Variants in RNF14 observed in about 807,000 individuals in gnomAD.
RNF14 encodes the protein ring finger protein 14.
RNF14 carries 26 observed loss-of-function variants against 52.6 expected under a neutral mutation model. That is an observed-to-expected ratio of 0.49 (90% CI 0.36 to 0.69). RNF14 has a LOEUF of 0.69. RNF14 is among the 30% of genes least tolerant of loss of function. The pLI is 0.00. For synonymous variants in RNF14, 194 were observed against 202.0 expected (o/e 0.96, Z 0.34); for missense variants, 404 against 560.4 (o/e 0.72, Z 2.82).
chr5:141,954,866 G>A, upstream of RNF14: 29 of 1,404,242 alleles, frequency 2.1e-5, no homozygotes, highest in Non-Finnish European at 2.8e-5. Context: ...AGTGCCAGGT[G>A]AGCCTAAGGA....
chr5:141,978,593 G>T lies in RNF14; in HGVS notation c.597G>T (p.Gln199His), dbSNP rs761611519. 1.5e-5 allele frequency: 25 copies of T among 1,613,934 alleles called. No homozygotes were observed. The highest frequency in any genetic ancestry group is 2.0e-5 in the Non-Finnish European group (24 of 1,179,926). ...TGGAATCACTGTCAAATCTGATCCA[G>T]GAAATCTTGGACTTTGATCAAGCTC... ...QDVESLSNLIQEILDFDQAQQ... is the reference protein window; with the variant it reads ...QDVESLSNLIHEILDFDQAQQ... Residue 199 changes from glutamine (Q) to histidine (H), a missense_variant, in exon 5 of 9, where the codon CAG becomes CAT. Coordinates refer to ENST00000394520, the MANE Select transcript of RNF14 (RefSeq NM_004290.5).
chr5:141,980,483 T>A, intron 6 of RNF14, 132 bp downstream of exon 6: 1 of 721,564 alleles, frequency 1.4e-6, no homozygotes, highest in Non-Finnish European at 2.3e-6. Flanking sequence ...TGTCAGTGAC[T>A]ATCTCAGGCC....
chr5:141,984,934 G>A lies in RNF14; in HGVS notation c.1367+1G>A, dbSNP rs1409059607. On this transcript the variant is annotated splice_donor_variant, in intron 8 of 8. Coordinates refer to ENST00000394520, the MANE Select transcript of RNF14 (RefSeq NM_004290.5). LOFTEE classifies it high-confidence loss of function. ...ACCCTGGTTCACCATGTTTTAACCG[G>A]TATGTATACACAGAATTCCTCAGGC... 2.2e-5 allele frequency: 36 copies of A among 1,613,184 alleles called. No individual in the cohort carries two copies. The highest frequency in any genetic ancestry group is 3.0e-5 in the Non-Finnish European group (35 of 1,179,426).
chr5:141,987,250 C>T (rs1010098153), intron 8 of RNF14, among the ~76,000 whole-genome samples: 11 of 152,182 alleles, frequency 7.2e-5, no homozygotes, highest in African/African-American at 2.7e-4. Flanking sequence ...CAGGGTTTCT[C>T]TGGGGTTCCC....
upstream of RNF14, chr5:141,957,200 C>T (rs755982022): frequency 1.2e-6 from 2 of 1,614,072 alleles, no homozygotes; most frequent in Non-Finnish European, 1.7e-6. This position sits in a 1 kb window ranked among gnomAD's most constrained non-coding sequence, Gnocchi z 4.3. Flanking sequence ...TTCCCATTGT[C>T]ATAGGCAGTT....
intron 8 of RNF14, among the ~76,000 whole-genome samples, chr5:141,985,663 C>T (rs1755171170): frequency 6.6e-6 from 1 of 152,150 alleles, no homozygotes; most frequent in South Asian, 2.1e-4. Context: ...TCATGCCATT[C>T]TGCCTCAGCC....
upstream of RNF14, chr5:141,957,662 C>T (rs768943002): frequency 1.9e-6 from 3 of 1,613,934 alleles, no homozygotes; most frequent in Non-Finnish European, 2.5e-6. This position sits in a 1 kb window ranked among gnomAD's most constrained non-coding sequence, Gnocchi z 4.3. Flanking sequence ...TGGAAGGCAG[C>T]CCCAGCTTGC....
At chr5:141,951,630 G>A in the RNF14 span, 44 of 1,399,316 alleles carry the variant, frequency 3.1e-5, no homozygotes, top group South Asian at 1.3e-4. Flanking sequence ...ACACAATTCC[G>A]ACTCAGCACA....
upstream of RNF14, among the ~76,000 whole-genome samples, chr5:141,967,675 T>C (rs113421508): frequency 2.6e-5 from 4 of 152,204 alleles, no homozygotes; most frequent in South Asian, 2.1e-4. Flanking sequence ...CTCTGCAAGT[T>C]ACTCTTTTGG....
chr5:141,956,489 C>T (rs369744444), upstream of RNF14: 26 of 1,614,074 alleles, frequency 1.6e-5, no homozygotes, highest in Non-Finnish European at 2.1e-5. Flanking sequence ...GGTGCATTGT[C>T]GTTGATGTCA....
chr5:141,966,083 C>T (rs1041849270), upstream of RNF14, among the ~76,000 whole-genome samples: 1 of 151,902 alleles, frequency 6.6e-6, no homozygotes, highest in Non-Finnish European at 1.5e-5. Context: ...GAGTTCAAGA[C>T]CAGCCTGGGC....
At chr5:141,982,697 A>AGC (rs1354363960) in intron 6 of RNF14, 3 of 152,258 alleles carry the variant, frequency 2.0e-5, no homozygotes, top group African/African-American at 7.2e-5. Flanking sequence ...CCTGTAGCAA[A>AGC]GCATAGTACG....
At position 141,983,584 on chromosome 5, in the gene RNF14, C is replaced by T. The variant is rs371145348; in HGVS notation, c.1236+32C>T. The T allele has an allele frequency of 2.5e-6, 4 of 1,576,626 alleles. No homozygotes were observed. The South Asian group carries it at 4.6e-5, about 18-fold the overall frequency. Reference sequence around the variant, plus strand: ...GTTTTGGGACAGACTTGGAGGCCATCAGACTTGCAAGGATGTTATGATTAC... The same window carrying T: ...GTTTTGGGACAGACTTGGAGGCCATTAGACTTGCAAGGATGTTATGATTAC... On this transcript the variant is annotated intron_variant, in intron 7 of 8. Transcript: ENST00000394520.
In RNF14 at chr5:141,975,049, A is replaced by G. The variant is rs1046218710; in HGVS notation, c.306+94A>G. ...ATCTTAAAGATCTTGAATTCAGTGCATGAAAAACAAATGGCTTTGGTTTTG... is the reference window on the plus strand; with the variant it reads ...ATCTTAAAGATCTTGAATTCAGTGCGTGAAAAACAAATGGCTTTGGTTTTG... On this transcript the variant is annotated intron_variant, in intron 4 of 8. Transcript: ENST00000394520. 6.8e-6 allele frequency: 9 copies of G among 1,327,254 alleles called. No individual in the cohort carries two copies. In the African/African-American group the frequency reaches 1.3e-4, roughly 20 times the overall value. 82.2% of individuals were successfully genotyped at this position (1,327,254 alleles called of 1,614,324 possible).
At chr5:141,954,376 G>T (rs1242321476), upstream of RNF14, among the ~76,000 whole-genome samples, 2 of 152,216 alleles carry the variant, frequency 1.3e-5, no homozygotes, top group Non-Finnish European at 2.9e-5. Flanking sequence ...GGCAAATAGT[G>T]GAGATGGAGA....
At chr5:141,979,375 A>C (rs1015043583) in intron 5 of RNF14, among the ~76,000 whole-genome samples, 6 of 152,028 alleles carry the variant, frequency 3.9e-5, no homozygotes, top group Admixed American at 3.9e-4. Context: ...CAGCCTCCCA[A>C]GTAGCTGGGA....
At chr5:141,982,967 AT>A (rs1280985762) in intron 6 of RNF14, among the ~76,000 whole-genome samples, 1 of 152,246 alleles carries the variant, frequency 6.6e-6, no homozygotes, top group Non-Finnish European at 1.5e-5. Context: ...AAGGAAAAAA[AT>A]AGCCTATCTT....
At chr5:141,982,363 G>A (rs977013499) in intron 6 of RNF14, among the ~76,000 whole-genome samples, 8 of 152,100 alleles carry the variant, frequency 5.3e-5, no homozygotes, top group Non-Finnish European at 8.8e-5. Flanking sequence ...TGAAGCTGTG[G>A]GAATGTACTA....
chr5:141,970,216 A>G (rs1753622854), intron 1 of RNF14, among the ~76,000 whole-genome samples: 1 of 152,228 alleles, frequency 6.6e-6, no homozygotes, highest in African/African-American at 2.4e-5. Flanking sequence ...CATTTAGAAT[A>G]AAACTTAAAA....
Sources: allele counts gnomAD v4.1 joint callset (sites outside exome capture counted in the v4.1 genomes callset), GRCh38; gene constraint gnomAD v4.1.1; non-coding constraint Gnocchi (gnomAD v3.1); transcripts MANE v1.5; gene names NCBI Gene and HGNC (gene_info 2026-07-23, HGNC 2026-07-21).